GNB1: variants seen among roughly 807,000 people sequenced by gnomAD.
The protein encoded by GNB1 is guanine nucleotide-binding protein G(I)/G(S)/G(T) subunit beta-1.
Under a neutral mutation model 42.9 loss-of-function variants are expected in GNB1, and 2 were observed. The ratio of observed to expected loss-of-function variants is 0.05; its 90% CI spans 0.02 to 0.15. The LOEUF (loss-of-function observed/expected upper bound fraction) is 0.15. Ranked by LOEUF, GNB1 falls within the 10% of genes least tolerant of loss-of-function variation. GNB1 has a pLI of 1.00. For missense variants in GNB1, 193 were observed against 462.2 expected, an observed-to-expected ratio of 0.42 and a Z score of 5.34; for synonymous variants, 183 against 174.7, an observed-to-expected ratio of 1.05 and a Z score of -0.38.
intron 2 of GNB1, among the ~76,000 whole-genome samples, chr1:1,830,210 G>C (rs1237681512): frequency 6.6e-6 from 1 of 151,788 alleles, no homozygotes; most frequent in Non-Finnish European, 1.5e-5. Flanking sequence ...TGGGGTCCTA[G>C]AACAAAGAAA....
At chr1:1,880,598 T>A (rs1007972252) in intron 1 of GNB1, among the ~76,000 whole-genome samples, 64 of 151,578 alleles carry the variant, frequency 4.2e-4, no homozygotes, top group Non-Finnish European at 6.6e-4. Flanking sequence ...AAAAAAAATA[T>A]ATATATATAT....
chr1:1,800,308 G>A (rs1039794844), intron 7 of GNB1, among the ~76,000 whole-genome samples: 10 of 152,132 alleles, frequency 6.6e-5, no homozygotes, highest in Admixed American at 2.6e-4. Flanking sequence ...TACAAGGACA[G>A]GGAATCTCAG....
intron 7 of GNB1, among the ~76,000 whole-genome samples, chr1:1,797,525 G>C (rs560761354): frequency 1.2e-4 from 18 of 151,562 alleles, no homozygotes; most frequent in Non-Finnish European, 2.4e-4. Context: ...TGCAACCTCC[G>C]CCACCCCGGT....
intron 2 of GNB1, among the ~76,000 whole-genome samples, chr1:1,828,258 T>G (rs1570678920): frequency 6.6e-6 from 1 of 151,926 alleles, no homozygotes; most frequent in Admixed American, 6.6e-5. Context: ...GAGGTGGAGG[T>G]TGCAGTGAGC....
chr1:1,858,384 A>G (rs921530732), intron 1 of GNB1, among the ~76,000 whole-genome samples: 1 of 152,214 alleles, frequency 6.6e-6, no homozygotes, highest in African/African-American at 2.4e-5. Context: ...CTTGTACCAT[A>G]GAAGCCATAT....
intron 3 of GNB1, 139 bp downstream of exon 3, chr1:1,825,258 A>G: frequency 1.5e-6 from 1 of 685,168 alleles, no homozygotes; most frequent in South Asian, 1.7e-5. Flanking sequence ...ATCTATAATT[A>G]GTACATCCTG....
At chr1:1,796,648 C>T (rs1306785080) in intron 7 of GNB1, among the ~76,000 whole-genome samples, 1 of 152,222 alleles carries the variant, frequency 6.6e-6, no homozygotes, top group Non-Finnish European at 1.5e-5. Context: ...GGGGCCTGTG[C>T]TGCCACCCTC....
chr1:1,865,268 CAAAAAAAAAA>C (rs1648864690), intron 1 of GNB1, among the ~76,000 whole-genome samples: 23 of 118,428 alleles, frequency 1.9e-4, no homozygotes, highest in African/African-American at 7.2e-4. Flanking sequence ...TCTCAAAAAA[CAAAAAAAAAA>C]CAAAAAAAAA....
chr1:1,818,086 T>C, intron 3 of GNB1: 1 of 465,220 alleles, frequency 2.1e-6, no homozygotes, highest in Non-Finnish European at 4.1e-6. Context: ...GAACCAGTAG[T>C]ACCCAAATCT....
At chr1:1,884,132 ATT>A (rs200884371) in intron 1 of GNB1, among the ~76,000 whole-genome samples, 14 of 136,994 alleles carry the variant, frequency 1.0e-4, no homozygotes, top group South Asian at 2.4e-4. Context: ...TGCCCGACTA[ATT>A]TTTTTTTTTT....
At chr1:1,861,461 A>T (rs145750883) in intron 1 of GNB1, among the ~76,000 whole-genome samples, 1 of 151,558 alleles carries the variant, frequency 6.6e-6, no homozygotes, top group Non-Finnish European at 1.5e-5. Flanking sequence ...TCTCAAAAAT[A>T]ATAATAATAA....
intron 4 of GNB1, among the ~76,000 whole-genome samples, chr1:1,816,644 CTTTTT>C (rs59065707): frequency 9.2e-6 from 1 of 108,638 alleles, no homozygotes; most frequent in African/African-American, 3.2e-5. Flanking sequence ...TTTTTATTAT[CTTTTT>C]TTTTTTTTTT....
At chr1:1,845,183 C>G (rs917628468) in intron 1 of GNB1, among the ~76,000 whole-genome samples, 1 of 152,132 alleles carries the variant, frequency 6.6e-6, no homozygotes, top group Non-Finnish European at 1.5e-5. Context: ...CTAAAGACAT[C>G]ACGTTAATTT....
Position 1,804,529 on chromosome 1 carries a change from G to A in GNB1, c.320C>T (p.Pro107Leu), listed in dbSNP as rs1474839183. The A allele has an allele frequency of 1.2e-6, 2 of 1,613,696 alleles. No individual in the cohort carries two copies. The highest frequency in any genetic ancestry group is 1.7e-6 in the Non-Finnish European group (2 of 1,179,696). Residue 107 changes from proline (P) to leucine (L), a missense_variant, in exon 7 of 12, where the codon CCT (proline) becomes CTT (leucine). Physicochemically the swap from Pro to Leu is moderately conservative, Grantham distance 98. Transcript: ENST00000378609. ...SSWVMTCAYAPSGNYVACGGL... is the reference protein window; with the variant it reads ...SSWVMTCAYALSGNYVACGGL... ...ACCGCAGGCCACATAGTTCCCAGAA[G>A]GGGCATATGCACAGGTCATGACCCA...
chr1:1,804,673 G>C (rs1009785542), intron 6 of GNB1, 92 bp from the exon 7 acceptor site: 3 of 974,694 alleles, frequency 3.1e-6, no homozygotes, highest in Non-Finnish European at 4.5e-6. Context: ...TCACTGCAAA[G>C]GAGGTAACAG....
intron 7 of GNB1, chr1:1,793,708 G>A (rs1268256890): frequency 1.2e-5 from 2 of 161,054 alleles, no homozygotes; most frequent in East Asian, 1.8e-4. Flanking sequence ...GACACCTCCT[G>A]CTCTCCTACA....
chr1:1,808,288 G>A lies in GNB1; in HGVS notation c.204-1750C>T, dbSNP rs576708741. On this transcript the variant is annotated intron_variant, in intron 5 of 11. Transcript: ENST00000378609. ...CCAACGTTTTGGTATTACAAGCGTT[G>A]AGCCACTGCGCCCGACCATGAATTT... 5.3e-4 allele frequency among the ~76,000 whole-genome samples: 81 copies of A among 152,190 alleles called. 1 individual carries two copies. The highest frequency in any genetic ancestry group is 1.7e-3 in the African/African-American group (72 of 41,514).
At chr1:1,862,685 C>T (rs188378636) in intron 1 of GNB1, among the ~76,000 whole-genome samples, 1 of 152,014 alleles carries the variant, frequency 6.6e-6, no homozygotes, top group Admixed American at 6.6e-5. Flanking sequence ...GTCTCCAGCT[C>T]CTGGGCTCAA....
intron 1 of GNB1, among the ~76,000 whole-genome samples, chr1:1,856,668 C>T (rs1036772690): frequency 6.6e-6 from 1 of 152,106 alleles, no homozygotes; most frequent in Non-Finnish European, 1.5e-5. Context: ...CCTTGTGATC[C>T]GCCCGCCTTG....
Sources: allele counts gnomAD v4.1 joint callset (sites outside exome capture counted in the v4.1 genomes callset), GRCh38; gene constraint gnomAD v4.1.1; transcripts MANE v1.5; gene names NCBI Gene and HGNC (gene_info 2026-07-23, HGNC 2026-07-21).